IQCM: variants seen among roughly 807,000 people sequenced by gnomAD.
The protein encoded by IQCM is IQ domain-containing protein M.
In IQCM, 45 loss-of-function variants were observed where a neutral mutation model predicts 57.6. That is an observed-to-expected ratio of 0.78 (90% CI 0.62 to 1.00). The LOEUF (loss-of-function observed/expected upper bound fraction) is 1.00. IQCM is among the 50% of genes least tolerant of loss of function. The pLI is 0.00. For missense variants in IQCM, 468 were observed against 511.6 expected (o/e 0.91, Z 0.82); for synonymous variants, 148 against 158.9 (o/e 0.93, Z 0.51).
intron 12 of IQCM, among the ~76,000 whole-genome samples, chr4:149,449,993 A>T (rs1736930896): frequency 6.6e-6 from 1 of 151,960 alleles, no homozygotes; most frequent in South Asian, 2.1e-4. Context: ...ATAGCATGAT[A>T]CTGGCATAAA....
At chr4:149,559,427 C>G (rs1214051811) in intron 10 of IQCM, among the ~76,000 whole-genome samples, 1 of 152,122 alleles carries the variant, frequency 6.6e-6, no homozygotes, top group Non-Finnish European at 1.5e-5. Flanking sequence ...AATAGCTCAC[C>G]TAAGCTCATT....
At chr4:149,400,778 T>C (rs1199371071) in intron 13 of IQCM, among the ~76,000 whole-genome samples, 1 of 151,926 alleles carries the variant, frequency 6.6e-6, no homozygotes, top group Non-Finnish European at 1.5e-5. Flanking sequence ...AAATTAGGCA[T>C]GGCCAAATGA....
chr4:149,548,818 T>C (rs1370790826), intron 11 of IQCM, among the ~76,000 whole-genome samples: 1 of 152,184 alleles, frequency 6.6e-6, no homozygotes, highest in Non-Finnish European at 1.5e-5. Context: ...GCATCTTCTA[T>C]ACTGACTTCA....
intron 9 of IQCM, among the ~76,000 whole-genome samples, chr4:149,566,661 A>T (rs1426888108): frequency 6.6e-6 from 1 of 152,172 alleles, no homozygotes; most frequent in Non-Finnish European, 1.5e-5. Flanking sequence ...GAAGAAATAC[A>T]AGCATGTTTA....
chr4:149,772,412 G>T (rs77970779), intron 2 of IQCM, among the ~76,000 whole-genome samples: 1 of 151,834 alleles, frequency 6.6e-6, no homozygotes, highest in Non-Finnish European at 1.5e-5. Flanking sequence ...ATACATACAC[G>T]CACCCCCCAT....
chr4:149,534,226 T>C (rs960216992), intron 12 of IQCM, among the ~76,000 whole-genome samples: 3 of 152,184 alleles, frequency 2.0e-5, no homozygotes, highest in Admixed American at 1.3e-4. Context: ...ATTGGTTTAA[T>C]GTTAAATGTA....
At chr4:149,475,095 C>G (rs1484651575) in intron 12 of IQCM, among the ~76,000 whole-genome samples, 3 of 152,108 alleles carry the variant, frequency 2.0e-5, no homozygotes, top group Non-Finnish European at 4.4e-5. Context: ...GCTACTGTGT[C>G]GAAAATATTC....
intron 5 of IQCM, among the ~76,000 whole-genome samples, chr4:149,722,891 T>C (rs1765572500): frequency 1.3e-5 from 2 of 152,026 alleles, no homozygotes; most frequent in Non-Finnish European, 2.9e-5. Flanking sequence ...AGTAGTATGG[T>C]CATTTCCATG....
chr4:149,612,946 T>C (rs1755435617), intron 8 of IQCM, among the ~76,000 whole-genome samples: 1 of 152,070 alleles, frequency 6.6e-6, no homozygotes, highest in Non-Finnish European at 1.5e-5. Context: ...CACTTACCTG[T>C]TAACTCAGGA....
At chr4:149,647,177 T>C (rs185323499) in intron 7 of IQCM, among the ~76,000 whole-genome samples, 1 of 152,194 alleles carries the variant, frequency 6.6e-6, no homozygotes, top group African/African-American at 2.4e-5. Context: ...AATGCATACA[T>C]AAAAATTTTA....
intron 12 of IQCM, among the ~76,000 whole-genome samples, chr4:149,494,707 T>G (rs1474018703): frequency 6.6e-6 from 1 of 152,002 alleles, no homozygotes; most frequent in Non-Finnish European, 1.5e-5. Context: ...CCAATGGAGG[T>G]GGAGCCCATG....
intron 13 of IQCM, among the ~76,000 whole-genome samples, chr4:149,354,631 A>G (rs1728830295): frequency 6.6e-6 from 1 of 152,010 alleles, no homozygotes; most frequent in African/African-American, 2.4e-5. Context: ...TTATAATATA[A>G]CATTACTCAA....
In IQCM at chr4:149,467,408, CTG is replaced by C. The variant is rs569188003; in HGVS notation, c.1229-33853_1229-33852del. 2.2e-3 allele frequency among the ~76,000 whole-genome samples: 328 copies of C among 152,250 alleles called. 1 individual carries two copies. The highest frequency in any genetic ancestry group is 3.8e-3 in the Non-Finnish European group (260 of 68,026). On this transcript the variant is annotated intron_variant, in intron 12 of 13. Transcript: ENST00000636793. Reference sequence around the variant, plus strand: ...TTGAGTATATACTATGTCCCGGGCACTGTTCTAGGTTTTAGGGATGCATCCAT... The same window carrying C: ...TTGAGTATATACTATGTCCCGGGCACTTCTAGGTTTTAGGGATGCATCCAT...
intron 8 of IQCM, among the ~76,000 whole-genome samples, chr4:149,605,269 G>T (rs1754677728): frequency 6.6e-6 from 1 of 152,124 alleles, no homozygotes; most frequent in African/African-American, 2.4e-5. Flanking sequence ...TAGGTATTAA[G>T]AGTTTTCTCT....
At chr4:149,703,237 A>G (rs1282398565) in intron 5 of IQCM, among the ~76,000 whole-genome samples, 2 of 152,022 alleles carry the variant, frequency 1.3e-5, no homozygotes, top group African/African-American at 4.8e-5. Flanking sequence ...GTACTCTACT[A>G]GAAAGCAGAG....
intron 13 of IQCM, among the ~76,000 whole-genome samples, chr4:149,421,819 TG>T (rs1293945223): frequency 6.6e-6 from 1 of 152,090 alleles, no homozygotes; most frequent in East Asian, 1.9e-4. Context: ...TTTAATCTAA[TG>T]TTAACTTTAA....
At chr4:149,588,120 A>T in intron 8 of IQCM, 123 bp from the exon 9 acceptor site, 1 of 411,942 alleles carries the variant, frequency 2.4e-6, no homozygotes, top group Non-Finnish European at 4.1e-6. Flanking sequence ...TATATTATGA[A>T]TCTGCACATT....
intron 7 of IQCM, among the ~76,000 whole-genome samples, chr4:149,656,319 T>C (rs1759634757): frequency 6.6e-6 from 1 of 152,094 alleles, no homozygotes; most frequent in African/African-American, 2.4e-5. Flanking sequence ...AATTTCAGCA[T>C]TTTCAAATCA....
chr4:149,636,910 G>A (rs1057237776), intron 7 of IQCM, among the ~76,000 whole-genome samples: 23 of 151,804 alleles, frequency 1.5e-4, no homozygotes, highest in South Asian at 8.3e-4. Context: ...TTGGGAGGCC[G>A]AGGCGGGTGG....
Sources: gnomAD v4.1 joint callset for allele counts (sites outside exome capture counted in the v4.1 genomes callset) on GRCh38, gnomAD v4.1.1 for gene constraint, MANE v1.5 for transcripts, NCBI Gene and HGNC (gene_info 2026-07-23, HGNC 2026-07-21) for gene names.